The following KCND2 variants were observed in gnomAD, a reference collection of about 807,000 sequenced individuals.
KCND2 encodes the protein A-type voltage-gated potassium channel KCND2.
A neutral mutation model predicts 54.4 loss-of-function variants in KCND2; 16 were observed. The ratio of observed to expected loss-of-function variants is 0.29; its 90% CI spans 0.20 to 0.45. The LOEUF is 0.45. KCND2 is among the 20% of genes least tolerant of loss of function. KCND2 has a pLI of 1.00. For missense variants in KCND2, 486 were observed against 824.2 expected (o/e 0.59, Z 5.02); for synonymous variants, 317 against 310.7 (o/e 1.02, Z -0.21).
intron 1 of KCND2, among the ~76,000 whole-genome samples, chr7:120,347,154 T>G (rs561545819): frequency 3.3e-4 from 51 of 152,314 alleles, no homozygotes; most frequent in Non-Finnish European, 5.1e-4. Context: ...TCAAAAAATG[T>G]TATCTTACTT....
intron 1 of KCND2, among the ~76,000 whole-genome samples, chr7:120,496,037 G>A (rs723907): frequency 0.99 from 151,273 of 152,266 alleles, 75,144 homozygotes; most frequent in Middle Eastern, 1. Flanking sequence ...CAGAATTAAT[G>A]CAAGTAAGAT....
At chr7:120,717,280 C>A (rs1792614954) in intron 1 of KCND2, among the ~76,000 whole-genome samples, 1 of 152,044 alleles carries the variant, frequency 6.6e-6, no homozygotes, top group South Asian at 2.1e-4. Context: ...CAGGAGCAGA[C>A]AATGTCAATG....
At chr7:120,423,379 A>G (rs932272606) in intron 1 of KCND2, among the ~76,000 whole-genome samples, 7 of 152,156 alleles carry the variant, frequency 4.6e-5, no homozygotes, top group African/African-American at 1.7e-4. Flanking sequence ...TATCTAAAAG[A>G]TTTTCCTTTT....
At chr7:120,478,031 G>A (rs1207065218) in intron 1 of KCND2, among the ~76,000 whole-genome samples, 1 of 151,926 alleles carries the variant, frequency 6.6e-6, no homozygotes, top group South Asian at 2.1e-4. Flanking sequence ...ATGTAATAAA[G>A]ATAATAATAA....
At chr7:120,492,726 G>A (rs775937215) in intron 1 of KCND2, among the ~76,000 whole-genome samples, 14 of 152,002 alleles carry the variant, frequency 9.2e-5, no homozygotes, top group Non-Finnish European at 1.6e-4. Flanking sequence ...ACCTTAACAA[G>A]CATTTAATAC....
intron 1 of KCND2, among the ~76,000 whole-genome samples, chr7:120,640,175 T>G (rs1181522718): frequency 2.0e-5 from 3 of 152,280 alleles, no homozygotes; most frequent in African/African-American, 7.2e-5. Context: ...TCACTGAAAT[T>G]TATTGTCCTT....
At chr7:120,509,502 A>C (rs1803079995) in intron 1 of KCND2, among the ~76,000 whole-genome samples, 1 of 152,072 alleles carries the variant, frequency 6.6e-6, no homozygotes, top group South Asian at 2.1e-4. Flanking sequence ...GTAATCTCTT[A>C]TCCGGGGTTG....
At chr7:120,326,125 ATACT>A (rs1799970414) in intron 1 of KCND2, among the ~76,000 whole-genome samples, 1 of 152,106 alleles carries the variant, frequency 6.6e-6, no homozygotes, top group African/African-American at 2.4e-5. Flanking sequence ...AGAAATGTAA[ATACT>A]TATATTGAGT....
At chr7:120,359,548 T>C (rs1174931503) in intron 1 of KCND2, among the ~76,000 whole-genome samples, 1 of 152,184 alleles carries the variant, frequency 6.6e-6, no homozygotes. Flanking sequence ...AATGTAAATG[T>C]AGTTCCTCGT....
intron 1 of KCND2, among the ~76,000 whole-genome samples, chr7:120,697,039 G>A (rs866131462): frequency 2.0e-5 from 3 of 152,196 alleles, no homozygotes; most frequent in African/African-American, 7.2e-5. Context: ...ATTTTACACA[G>A]CTTTTGAATC....
At chr7:120,374,241 CTT>C (rs1357542374) in intron 1 of KCND2, among the ~76,000 whole-genome samples, 1 of 151,676 alleles carries the variant, frequency 6.6e-6, no homozygotes, top group Non-Finnish European at 1.5e-5. Flanking sequence ...ATTTTTAACT[CTT>C]AAAAAATTCT....
chr7:120,298,857 T>C (rs991811419), intron 1 of KCND2, among the ~76,000 whole-genome samples: 9 of 152,126 alleles, frequency 5.9e-5, no homozygotes, highest in African/African-American at 2.2e-4. Flanking sequence ...CAACTGTAAG[T>C]AAAGAAATTG....
intron 1 of KCND2, among the ~76,000 whole-genome samples, chr7:120,515,785 G>A (rs1234729586): frequency 6.6e-6 from 1 of 152,144 alleles, no homozygotes; most frequent in Non-Finnish European, 1.5e-5. Flanking sequence ...GAGGTTGATA[G>A]GAGCAGGAAG....
In KCND2 at chr7:120,497,960, A is replaced by G. The variant is rs190309582; in HGVS notation, c.1115+222213A>G. Among the ~76,000 whole-genome samples, 200 of 152,224 alleles carry G rather than the reference A, an allele frequency of 1.3e-3. 3 individuals carry two copies. The East Asian group carries it at 0.034, about 26-fold the overall frequency. On this transcript the variant is annotated intron_variant, in intron 1 of 5. Coordinates refer to ENST00000331113, the MANE Select transcript of KCND2 (RefSeq NM_012281.3). Reference sequence around the variant, plus strand: ...AACACAGTACGCATTAAAATAAAGTATTTAAAAAATAAATTAATGGAATGA... The same window carrying G: ...AACACAGTACGCATTAAAATAAAGTGTTTAAAAAATAAATTAATGGAATGA...
At chr7:120,611,631 T>A (rs753167583) in intron 1 of KCND2, among the ~76,000 whole-genome samples, 2 of 152,202 alleles carry the variant, frequency 1.3e-5, no homozygotes, top group Non-Finnish European at 2.9e-5. Context: ...TGAATCAGGA[T>A]GCAGAGTCTA....
chr7:120,647,332 T>A (rs1355067156), intron 1 of KCND2, among the ~76,000 whole-genome samples: 3 of 152,220 alleles, frequency 2.0e-5, no homozygotes, highest in Non-Finnish European at 4.4e-5. Flanking sequence ...GCTGGAGTTA[T>A]AAGGATGGAA....
intron 1 of KCND2, among the ~76,000 whole-genome samples, chr7:120,585,574 C>T (rs1166925877): frequency 6.6e-6 from 1 of 151,974 alleles, no homozygotes; most frequent in African/African-American, 2.4e-5. Flanking sequence ...TTGCACCATA[C>T]ATTAAGTAGG....
At chr7:120,337,402 AT>A (rs1800167014) in intron 1 of KCND2, among the ~76,000 whole-genome samples, 2 of 152,140 alleles carry the variant, frequency 1.3e-5, no homozygotes, top group South Asian at 4.1e-4. Flanking sequence ...CCTAGCAAAG[AT>A]TTTGTTTAGT....
At chr7:120,340,867 T>G (rs1184214725) in intron 1 of KCND2, among the ~76,000 whole-genome samples, 1 of 152,152 alleles carries the variant, frequency 6.6e-6, no homozygotes, top group Non-Finnish European at 1.5e-5. Context: ...CAAAATGTGG[T>G]TTAAAGCAGG....
Sources: gnomAD v4.1 joint callset for allele counts (sites outside exome capture counted in the v4.1 genomes callset) on GRCh38, gnomAD v4.1.1 for gene constraint, MANE v1.5 for transcripts, NCBI Gene and HGNC (gene_info 2026-07-23, HGNC 2026-07-21) for gene names.